Variants in NCOR2 observed in about 807,000 individuals in gnomAD.
The protein encoded by NCOR2 is CTG repeat protein 26.
A neutral mutation model predicts 262.9 loss-of-function variants in NCOR2; 81 were observed. The observed-to-expected ratio is 0.31, with a 90% confidence interval of 0.26 to 0.37. The LOEUF (loss-of-function observed/expected upper bound fraction) is 0.37, where lower values mean the gene tolerates loss of function less well. NCOR2 is among the 10% of genes least tolerant of loss of function. The pLI is 1.00. For missense variants in NCOR2, 3,385 were observed against 3,621.4 expected (o/e 0.93, Z 1.68); for synonymous variants, 1,659 against 1,559.3 (o/e 1.06, Z -1.51).
At position 124,549,076 on chromosome 12, in the gene NCOR2, C is replaced by A; in HGVS notation, c.-164-13465G>T. 6.6e-6 allele frequency among the ~76,000 whole-genome samples: 1 copy of A among 152,148 alleles called. No individual in the cohort carries two copies. The highest frequency in any genetic ancestry group is 1.9e-4 in the East Asian group (1 of 5,178). The stretch of plus-strand genomic sequence containing the variant: ...CATTGCCCAGGAGTAGAGGGGATTT[C>A]CCAAGTCTATGGGGTAAATATTGTC... On this transcript the variant is annotated intron_variant, in intron 1 of 32. Coordinates refer to the NCOR2 transcript ENST00000458234. The surrounding 1 kb of genome is among the most constrained non-coding windows in gnomAD (Gnocchi z 4.4).
chr12:124,396,053 G>C (rs2041634607), intron 16 of NCOR2, among the ~76,000 whole-genome samples: 1 of 152,200 alleles, frequency 6.6e-6, no homozygotes, highest in Admixed American at 6.5e-5. Context: ...GAACCATCAT[G>C]CTCCCAGAAA....
upstream of NCOR2, chr12:124,538,135 T>C (rs1427304502): frequency 6.6e-6 from 1 of 152,482 alleles, no homozygotes; most frequent in Non-Finnish European, 1.5e-5. Context: ...AGACCCCATC[T>C]TCTCCTAACC....
chr12:124,360,632 G>T (rs1230686142), intron 22 of NCOR2, among the ~76,000 whole-genome samples: 1 of 152,042 alleles, frequency 6.6e-6, no homozygotes. Flanking sequence ...ACACAATCCG[G>T]TCCCCACTTC....
intron 28 of NCOR2, among the ~76,000 whole-genome samples, chr12:124,350,220 C>T (rs1367658268): frequency 2.6e-5 from 4 of 152,222 alleles, no homozygotes; most frequent in Admixed American, 2.0e-4. Flanking sequence ...CACAGTGGGG[C>T]GAGGGGCACT....
At chr12:124,336,450 G>A in intron 38 of NCOR2, 1 of 357,920 alleles carries the variant, frequency 2.8e-6, no homozygotes, top group East Asian at 6.2e-5. Context: ...CAAATGATGA[G>A]CGCCCCCAAA....
intron 1 of NCOR2, among the ~76,000 whole-genome samples, chr12:124,487,161 T>C (rs1593780240): frequency 6.6e-6 from 1 of 152,142 alleles, no homozygotes; most frequent in Admixed American, 6.5e-5. Flanking sequence ...AGGCCCAACC[T>C]AGATGCCCAG....
chr12:124,532,540 C>T (rs1286456613), intron 1 of NCOR2, among the ~76,000 whole-genome samples: 1 of 152,226 alleles, frequency 6.6e-6, no homozygotes, highest in Admixed American at 6.5e-5. Context: ...GGCCCCACTC[C>T]ACCGTCTGTC....
intron 10 of NCOR2, 27 bp from the exon 13 acceptor site, chr12:124,426,827 G>C (rs2043576258): frequency 6.5e-7 from 1 of 1,540,908 alleles, no homozygotes; most frequent in African/African-American, 1.4e-5. Flanking sequence ...GGCAGGGTCA[G>C]AGGCCCAGGG....
At chr12:124,325,377 G>GCCGGGGGC in exon 47 of NCOR2, 2 of 246,786 alleles carry the variant, frequency 8.1e-6, no homozygotes. Context: ...ACCTGACACC[G>GCCGGGGGC]CCCCCCCCCC....
intron 1 of NCOR2, among the ~76,000 whole-genome samples, chr12:124,488,197 GT>G (rs2047884106): frequency 1.3e-5 from 2 of 152,204 alleles, no homozygotes; most frequent in African/African-American, 4.8e-5. Context: ...CGTTGATAAT[GT>G]ATCTGTTGCA....
intron 13 of NCOR2, among the ~76,000 whole-genome samples, chr12:124,405,422 C>A (rs1398896906): frequency 6.6e-6 from 1 of 152,236 alleles, no homozygotes; most frequent in African/African-American, 2.4e-5. Flanking sequence ...TAGCACAGCA[C>A]CTTCTGGGCC....
At chr12:124,372,225 C>G (rs774364107) in exon 20 of NCOR2, 22 of 1,600,826 alleles carry the variant, frequency 1.4e-5, no homozygotes, top group Non-Finnish European at 1.8e-5. Flanking sequence ...CCTCGGCTTC[C>G]TCCGTGCACT....
chr12:124,381,602 CAG>C (rs1214085155), intron 17 of NCOR2, among the ~76,000 whole-genome samples: 1 of 152,216 alleles, frequency 6.6e-6, no homozygotes, highest in African/African-American at 2.4e-5. Context: ...GACAATGGCT[CAG>C]AGAGGCAAAG....
intron 1 of NCOR2, among the ~76,000 whole-genome samples, chr12:124,563,995 C>T (rs752003682): frequency 2.0e-5 from 3 of 152,200 alleles, no homozygotes; most frequent in Non-Finnish European, 2.9e-5. Context: ...CTCTCTGTGC[C>T]TCAAGTTCAC....
intron 6 of NCOR2, among the ~76,000 whole-genome samples, chr12:124,452,806 T>C (rs886971974): frequency 2.6e-5 from 4 of 152,126 alleles, no homozygotes; most frequent in Admixed American, 2.0e-4. Flanking sequence ...TCCCCTGCCC[T>C]GTAGATAGGG....
intron 1 of NCOR2, among the ~76,000 whole-genome samples, chr12:124,524,727 G>T (rs952012883): frequency 1.3e-5 from 2 of 152,132 alleles, no homozygotes; most frequent in African/African-American, 4.8e-5. Context: ...ATCACCCCCA[G>T]GTCTCCCCTT....
In NCOR2 at chr12:124,378,471, C is replaced by G; in HGVS notation, c.2020-87G>C. 1 of 1,358,836 alleles carries G rather than the reference C, an allele frequency of 7.4e-7. No homozygotes were observed. 84.2% of individuals were successfully genotyped at this position (1,358,836 alleles called of 1,614,324 possible). A position where few individuals can be genotyped will look rare whatever the true frequency, so the allele number is the denominator to read the frequency against. On this transcript the variant is annotated intron_variant, in intron 17 of 46. Coordinates refer to ENST00000405201, the Ensembl canonical transcript of NCOR2. This position sits in a 1 kb window ranked among gnomAD's most constrained non-coding sequence, Gnocchi z 4.2. ...CATGCCTGGGGCCTCGCCGCAGGTGCAAAGGGCAGTGATCCCGGCCATGTA... is the reference window on the plus strand; with the variant it reads ...CATGCCTGGGGCCTCGCCGCAGGTGGAAAGGGCAGTGATCCCGGCCATGTA...
chr12:124,517,527 G>A lies in NCOR2; in HGVS notation c.-118+18038C>T, dbSNP rs765445978. ...GCGCCACCTCGGTGGGGAGCCGGGCGCCGGGGCCGGGCTGCAGCGCTGCCT... is the reference window on the plus strand; with the variant it reads ...GCGCCACCTCGGTGGGGAGCCGGGCACCGGGGCCGGGCTGCAGCGCTGCCT... On this transcript the variant is annotated intron_variant, in intron 1 of 46. Coordinates refer to the NCOR2 transcript ENST00000404621. This position sits in a 1 kb window ranked among gnomAD's most constrained non-coding sequence, Gnocchi z 7.6. 2.0e-5 allele frequency among the ~76,000 whole-genome samples: 3 copies of A among 151,938 alleles called. No homozygotes were observed. Among genetic ancestry groups the A allele is most frequent in the Non-Finnish European group, 2.9e-5 (2 of 67,964 alleles).
chr12:124,489,111 A>C (rs1038601916), intron 1 of NCOR2, among the ~76,000 whole-genome samples: 2 of 151,996 alleles, frequency 1.3e-5, no homozygotes, highest in Non-Finnish European at 2.9e-5. Context: ...GCTCTAGGGG[A>C]AGGCAAGAAT....
Sources: allele counts gnomAD v4.1 joint callset (sites outside exome capture counted in the v4.1 genomes callset), GRCh38; gene constraint gnomAD v4.1.1; non-coding constraint Gnocchi (gnomAD v3.1); transcripts MANE v1.5; gene names NCBI Gene and HGNC (gene_info 2026-07-23, HGNC 2026-07-21).